Variants in RGS7 observed in about 807,000 individuals in gnomAD.
The protein encoded by RGS7 is regulator of G-protein signaling 7.
In RGS7, 27 loss-of-function variants were observed where a neutral mutation model predicts 81.1. The observed-to-expected ratio is 0.33, with a 90% CI of 0.25 to 0.46. RGS7 has a LOEUF of 0.46. RGS7 is among the 20% of genes least tolerant of loss of function. RGS7 has a pLI of 1.00. For synonymous variants in RGS7, 208 were observed against 207.7 expected (o/e 1.00, Z -0.01); for missense variants, 396 against 607.4 (o/e 0.65, Z 3.66).
chr1:240,998,611 T>G (rs138998491), intron 3 of RGS7: 334 of 875,224 alleles, frequency 3.8e-4, no homozygotes, highest in Non-Finnish European at 5.8e-4. Flanking sequence ...AGCCCCTACA[T>G]TGCAGAGGAG....
chr1:241,051,006 C>T (rs147694807), intron 3 of RGS7, among the ~76,000 whole-genome samples: 1 of 152,260 alleles, frequency 6.6e-6, no homozygotes, highest in East Asian at 1.9e-4. Context: ...CTAACCCCCA[C>T]ATTGTTCAAA....
intron 2 of RGS7, among the ~76,000 whole-genome samples, chr1:241,112,805 A>C (rs539630888): frequency 2.0e-5 from 3 of 152,332 alleles, no homozygotes; most frequent in African/African-American, 7.2e-5. Flanking sequence ...AGGCACTACA[A>C]CGTTAAGATG....
chr1:240,866,464 T>C lies in RGS7; in HGVS notation c.609+2123A>G, dbSNP rs1006195536. The stretch of plus-strand genomic sequence containing the variant: ...AGGCGGAGCTTGCAGTGAGCTGAGA[T>C]TGAGCCACTGCACTCCAGCCTGGGC... On this transcript the variant is annotated intron_variant, in intron 9 of 18. Transcript: ENST00000440928. Among the ~76,000 whole-genome samples, 3 of 151,604 alleles carry C rather than the reference T, an allele frequency of 2.0e-5. No individual in the cohort carries two copies. The East Asian group carries it at 5.9e-4, about 30-fold the overall frequency.
At position 241,246,573 on chromosome 1, in the gene RGS7, G is replaced by A. The variant is rs368393597; in HGVS notation, c.78+109126C>T. 3.2e-4 allele frequency among the ~76,000 whole-genome samples: 48 copies of A among 152,252 alleles called. 1 individual carries two copies. Among genetic ancestry groups the A allele is most frequent in the African/African-American group, 1.1e-3 (46 of 41,542 alleles). Reference sequence around the variant, plus strand: ...TGAAAAGAACACAGCTTCCTCCTAAGAGACTTAGAGGAAGCATGGCTCTGG... The same window carrying A: ...TGAAAAGAACACAGCTTCCTCCTAAAAGACTTAGAGGAAGCATGGCTCTGG... On this transcript the variant is annotated intron_variant, in intron 2 of 18. Transcript: ENST00000440928.
At chr1:240,850,927 A>G (rs898322887) in intron 9 of RGS7, among the ~76,000 whole-genome samples, 1 of 152,232 alleles carries the variant, frequency 6.6e-6, no homozygotes, top group Non-Finnish European at 1.5e-5. Flanking sequence ...CTGAAGAAAA[A>G]AAGTTGGAAA....
intron 3 of RGS7, among the ~76,000 whole-genome samples, chr1:241,052,236 C>A (rs1316286407): frequency 6.6e-6 from 1 of 152,092 alleles, no homozygotes; most frequent in African/African-American, 2.4e-5. Context: ...AATGTCAACG[C>A]AGCAAGTGAA....
chr1:241,333,468 G>A (rs892264324), intron 2 of RGS7, among the ~76,000 whole-genome samples: 1 of 152,216 alleles, frequency 6.6e-6, no homozygotes, highest in African/African-American at 2.4e-5. Flanking sequence ...ACTACTTTGT[G>A]AGTTAGAAAA....
intron 18 of RGS7, among the ~76,000 whole-genome samples, chr1:240,798,967 C>A (rs1687544306): frequency 6.6e-6 from 1 of 152,084 alleles, no homozygotes; most frequent in African/African-American, 2.4e-5. Context: ...ATAATAAAAT[C>A]ACTCATTCTT....
intron 3 of RGS7, among the ~76,000 whole-genome samples, chr1:241,085,448 A>T: frequency 6.6e-6 from 1 of 150,392 alleles, no homozygotes; most frequent in East Asian, 1.9e-4. Flanking sequence ...TATTTTTGAG[A>T]CAGAGTCTCT....
intron 3 of RGS7, among the ~76,000 whole-genome samples, chr1:241,002,579 G>C (rs1395880409): frequency 6.6e-6 from 1 of 152,016 alleles, no homozygotes; most frequent in African/African-American, 2.4e-5. Flanking sequence ...TATATTTACT[G>C]ATATTAGATT....
intron 14 of RGS7, among the ~76,000 whole-genome samples, chr1:240,811,083 G>A (rs1385515085): frequency 7.2e-5 from 11 of 152,246 alleles, no homozygotes; most frequent in Non-Finnish European, 1.3e-4. Flanking sequence ...GCACTACTTC[G>A]TTCCAATGAA....
chr1:241,345,774 T>C (rs2082857892), intron 2 of RGS7, among the ~76,000 whole-genome samples: 1 of 152,174 alleles, frequency 6.6e-6, no homozygotes, highest in East Asian at 1.9e-4. Flanking sequence ...TCCCAGCACT[T>C]TGGGAGGCCG....
In RGS7 at chr1:240,868,941, CAAAT is replaced by C; in HGVS notation, c.451-93_451-90del. 4.2e-6 allele frequency: 5 copies of C among 1,200,392 alleles called. No homozygotes were observed. The highest frequency in any genetic ancestry group is 3.6e-5 in the South Asian group (3 of 82,728). 74.4% of individuals were successfully genotyped at this position (1,200,392 alleles called of 1,614,324 possible). A position where few individuals can be genotyped will look rare whatever the true frequency, so the allele number is the denominator to read the frequency against. ...TTACCACTTGTATTTGTCAAGGAAACAAATAGAGAGTTTCTAAAGCCCTAAGTGT... is the reference window on the plus strand; with the variant it reads ...TTACCACTTGTATTTGTCAAGGAAACAGAGAGTTTCTAAAGCCCTAAGTGT... On this transcript the variant is annotated intron_variant, in intron 7 of 18. Coordinates refer to ENST00000440928, the MANE Select transcript of RGS7 (RefSeq NM_001364886.1). This position sits in a 1 kb window ranked among gnomAD's most constrained non-coding sequence, Gnocchi z 5.1.
intron 2 of RGS7, among the ~76,000 whole-genome samples, chr1:241,198,914 G>A (rs7551976): frequency 0.015 from 2,336 of 152,014 alleles, 33 homozygotes; most frequent in African/African-American, 0.038. Context: ...TCATAAACCC[G>A]TATGCAAAAA....
intron 3 of RGS7, among the ~76,000 whole-genome samples, chr1:241,091,594 T>TAAATAAATAAAA (rs769662958): frequency 2.2e-5 from 3 of 135,480 alleles, no homozygotes; most frequent in Admixed American, 7.2e-5. Flanking sequence ...AATAAATAAA[T>TAAATAAATAAAA]AAAAAAGCTG....
At chr1:241,155,497 A>G (rs1572914947) in intron 2 of RGS7, among the ~76,000 whole-genome samples, 1 of 152,000 alleles carries the variant, frequency 6.6e-6, no homozygotes, top group African/African-American at 2.4e-5. Flanking sequence ...TTAGGGATCA[A>G]TGAAAGGCCA....
rs189276978 is a variant in RGS7 at position 240,968,780 on chromosome 1, A to T, written c.226+14299T>A. On this transcript the variant is annotated intron_variant, in intron 4 of 18. Transcript: ENST00000440928. The stretch of plus-strand genomic sequence containing the variant: ...ATCATATTTAGGCTATAAAACATCT[A>T]TCAGTGCCCTTATCACACTTTTTGT... Among the ~76,000 whole-genome samples the T allele has an allele frequency of 3.0e-4, 46 of 152,310 alleles. 3 individuals are homozygous for T. The highest frequency in any genetic ancestry group is 9.9e-4 in the African/African-American group (41 of 41,578).
chr1:240,911,757 C>T (rs1348489993), intron 6 of RGS7, among the ~76,000 whole-genome samples: 3 of 152,228 alleles, frequency 2.0e-5, no homozygotes, highest in African/African-American at 7.2e-5. Flanking sequence ...CCTTGGGTTC[C>T]AATCCCAGCT....
chr1:240,926,233 A>G (rs1275733677), intron 6 of RGS7, among the ~76,000 whole-genome samples: 2 of 152,180 alleles, frequency 1.3e-5, no homozygotes, highest in Non-Finnish European at 2.9e-5. Context: ...ATTGTCCAGA[A>G]TGGTATATCC....
Sources: allele counts gnomAD v4.1 joint callset (sites outside exome capture counted in the v4.1 genomes callset), GRCh38; gene constraint gnomAD v4.1.1; non-coding constraint Gnocchi (gnomAD v3.1); transcripts MANE v1.5; gene names NCBI Gene and HGNC (gene_info 2026-07-23, HGNC 2026-07-21).